CRLF3: variants seen among roughly 807,000 people sequenced by gnomAD.
CRLF3 encodes cytokine receptor like factor 3, also known as cytokine receptor-like factor 3.
CRLF3 carries 33 observed loss-of-function variants against 55.0 expected under a neutral mutation model. The ratio of observed to expected loss-of-function variants is 0.60; its 90% CI spans 0.46 to 0.80. The LOEUF (loss-of-function observed/expected upper bound fraction) is 0.80, where lower values mean the gene tolerates loss of function less well. Among genes scored for constraint, CRLF3 ranks in the 30% least tolerant of loss-of-function variants. The pLI, the probability that CRLF3 is intolerant of heterozygous loss-of-function variation, is 0.00. For synonymous variants in CRLF3, 238 were observed against 196.8 expected (o/e 1.21, Z -1.75); for missense variants, 494 against 538.4 (o/e 0.92, Z 0.82).
At chr17:30,788,242 C>G (rs563393702) in intron 6 of CRLF3, among the ~76,000 whole-genome samples, 7 of 150,700 alleles carry the variant, frequency 4.6e-5, no homozygotes, top group Non-Finnish European at 1.0e-4. Flanking sequence ...GTGAGAGGGT[C>G]GCTTGAACCT....
chr17:30,786,079 T>C (rs1971640884), intron 6 of CRLF3, 48 bp from the exon 7 acceptor site: 1 of 1,015,644 alleles, frequency 9.8e-7, no homozygotes. Flanking sequence ...AAATATAACA[T>C]GAATGATACT....
chr17:30,790,108 C>T (rs530402718), intron 6 of CRLF3, among the ~76,000 whole-genome samples: 1 of 151,914 alleles, frequency 6.6e-6, no homozygotes. Flanking sequence ...ATCTGACAAC[C>T]GCTGACAATT....
intron 6 of CRLF3, chr17:30,787,819 G>A (rs1971683346): frequency 6.6e-6 from 1 of 152,062 alleles, no homozygotes; most frequent in African/African-American, 2.4e-5. Context: ...TAGGCAACAT[G>A]GTGAAACCCC....
chr17:30,783,028 A>G lies in CRLF3; in HGVS notation c.*1159T>C, dbSNP rs1356955589. The G allele has an allele frequency of 6.6e-6, 1 of 152,202 alleles. No homozygotes were observed. Among genetic ancestry groups the G allele is most frequent in the East Asian group, 1.9e-4 (1 of 5,202 alleles). 9.4% of individuals were successfully genotyped at this position (152,202 alleles called of 1,614,324 possible). A position where few individuals can be genotyped will look rare whatever the true frequency, so the allele number is the denominator to read the frequency against. On this transcript the variant is annotated 3_prime_UTR_variant, in exon 8 of 8. Coordinates refer to ENST00000324238, the MANE Select transcript of CRLF3 (RefSeq NM_015986.4). Reference sequence around the variant, plus strand: ...ACACAAATTTAAGTAAGTTTTTAAAAAAAATAAGTATTTACGCTATATTTT... The same window carrying G: ...ACACAAATTTAAGTAAGTTTTTAAAGAAAATAAGTATTTACGCTATATTTT...
chr17:30,789,376 A>G (rs189668199), intron 6 of CRLF3, among the ~76,000 whole-genome samples: 1 of 152,336 alleles, frequency 6.6e-6, no homozygotes, highest in East Asian at 1.9e-4. Context: ...TATGCAATCT[A>G]TCAGACATTA....
chr17:30,797,814 A>G (rs1971944255), intron 2 of CRLF3, among the ~76,000 whole-genome samples: 1 of 141,900 alleles, frequency 7.0e-6, no homozygotes, highest in Non-Finnish European at 1.5e-5. Context: ...TTGTTCTGTC[A>G]CTCATGCTGG....
chr17:30,813,442 A>G (rs1251874622), intron 1 of CRLF3, among the ~76,000 whole-genome samples: 1 of 152,238 alleles, frequency 6.6e-6, no homozygotes, highest in Non-Finnish European at 1.5e-5. Context: ...AACTGCCATC[A>G]GAGCATAAAA....
At position 30,816,207 on chromosome 17, in the gene CRLF3, G is replaced by A. The variant is rs139741212; in HGVS notation, c.129+8316C>T. Among the ~76,000 whole-genome samples, 105 of 151,050 alleles carry A rather than the reference G, an allele frequency of 7.0e-4. 1 individual carries two copies. Among genetic ancestry groups the A allele is most frequent in the East Asian group, 5.4e-3 (27 of 5,032 alleles). The stretch of plus-strand genomic sequence containing the variant: ...TGAGGTGGGAGAATCACTCGAACCC[G>A]GAAAGCAGAGGTTGCAGTGAGCCGA... On this transcript the variant is annotated intron_variant, in intron 1 of 7. Transcript: ENST00000324238.
At chr17:30,804,997 A>G (rs1429377987) in intron 1 of CRLF3, among the ~76,000 whole-genome samples, 1 of 152,142 alleles carries the variant, frequency 6.6e-6, no homozygotes, top group East Asian at 1.9e-4. Context: ...AGCCTGGCCA[A>G]CGTAGTGAAA....
intron 3 of CRLF3, among the ~76,000 whole-genome samples, chr17:30,797,029 A>G (rs529313092): frequency 6.6e-6 from 1 of 152,026 alleles, no homozygotes; most frequent in Non-Finnish European, 1.5e-5. Flanking sequence ...CTCCCCAAGT[A>G]GCTGGATTAC....
intron 2 of CRLF3, among the ~76,000 whole-genome samples, chr17:30,798,893 T>C (rs1301120108): frequency 1.3e-5 from 2 of 152,086 alleles, no homozygotes; most frequent in Non-Finnish European, 2.9e-5. Context: ...TAAGTTTCTA[T>C]CCCTCAGGAG....
At position 30,793,598 on chromosome 17, in the gene CRLF3, T is replaced by C. The variant is rs754713503; in HGVS notation, c.678A>G (p.Val226=). ...TGAATTCAGTTTCAGAACCTACATA[T>C]ACATCCTCAAAATGATTTGAAGTAC... is the stretch of plus-strand genomic sequence containing the variant. ...RKCTSNHFED[V]YVGSETEFIV... The change falls in exon 5 of 8, where the codon GTA becomes GTG. Residue 226 remains valine, a synonymous_variant. Coordinates refer to ENST00000324238, the MANE Select transcript of CRLF3 (RefSeq NM_015986.4). The C allele has an allele frequency of 6.2e-7, 1 of 1,614,044 alleles. No homozygotes were observed. Among genetic ancestry groups the C allele is most frequent in the South Asian group, 1.1e-5 (1 of 91,078 alleles).
intron 6 of CRLF3, chr17:30,787,463 A>T (rs931566332): frequency 2.6e-5 from 4 of 152,146 alleles, no homozygotes; most frequent in Admixed American, 2.6e-4. Context: ...TGTGCTCTTG[A>T]AATAGGAAAT....
intron 1 of CRLF3, among the ~76,000 whole-genome samples, chr17:30,805,930 G>A (rs1008541752): frequency 1.3e-5 from 2 of 152,088 alleles, no homozygotes; most frequent in African/African-American, 2.4e-5. Context: ...GGCTGAGGTG[G>A]GAGGATCACC....
At chr17:30,803,716 C>T (rs1972041966) in intron 2 of CRLF3, 185 bp downstream of exon 2, 1 of 611,742 alleles carries the variant, frequency 1.6e-6, no homozygotes, top group African/African-American at 1.8e-5. Context: ...TCATTCTCTT[C>T]TCTTGTCTGC....
chr17:30,791,465 C>T (rs921083446), intron 6 of CRLF3, among the ~76,000 whole-genome samples: 1 of 151,870 alleles, frequency 6.6e-6, no homozygotes, highest in African/African-American at 2.4e-5. Flanking sequence ...CCTCGGCCTC[C>T]CAAAGTGCTG....
intron 6 of CRLF3, among the ~76,000 whole-genome samples, chr17:30,791,220 A>G (rs73269995): frequency 0.14 from 20,637 of 151,674 alleles, 1,500 homozygotes; most frequent in South Asian, 0.25. Flanking sequence ...ACAGGTGTGC[A>G]CTACCACATC....
At chr17:30,817,953 T>A (rs182263968) in intron 1 of CRLF3, among the ~76,000 whole-genome samples, 1 of 141,296 alleles carries the variant, frequency 7.1e-6, no homozygotes, top group East Asian at 2.1e-4. Context: ...CTGTAAGTAG[T>A]AGGTTATTTT....
intron 6 of CRLF3, among the ~76,000 whole-genome samples, chr17:30,791,839 A>T (rs1356928058): frequency 6.6e-6 from 1 of 150,882 alleles, no homozygotes; most frequent in Non-Finnish European, 1.5e-5. Context: ...TTTAAGATTT[A>T]CTTTTTAATT....
Sources: gnomAD v4.1 joint callset for allele counts (sites outside exome capture counted in the v4.1 genomes callset) on GRCh38, gnomAD v4.1.1 for gene constraint, MANE v1.5 for transcripts, NCBI Gene and HGNC (gene_info 2026-07-23, HGNC 2026-07-21) for gene names.